PLPPR5: variants seen among roughly 807,000 people sequenced by gnomAD.
PLPPR5 encodes phospholipid phosphatase related 5.
Under a neutral mutation model 33.9 loss-of-function variants are expected in PLPPR5, and 16 were observed. The ratio of observed to expected loss-of-function variants is 0.47; its 90% confidence interval spans 0.32 to 0.72. The LOEUF (loss-of-function observed/expected upper bound fraction) is 0.72, where lower values mean the gene tolerates loss of function less well. PLPPR5 is among the 30% of genes least tolerant of loss of function. The probability of loss-of-function intolerance (pLI) is 0.03; values close to 1 mark genes in which losing one functional copy is unlikely to be tolerated. For synonymous variants in PLPPR5, 163 were observed against 150.3 expected (o/e 1.08, Z -0.62); for missense variants, 301 against 406.7 (o/e 0.74, Z 2.23).
intron 3 of PLPPR5, among the ~76,000 whole-genome samples, chr1:98,930,582 T>A (rs1326294661): frequency 6.6e-6 from 1 of 152,162 alleles, no homozygotes; most frequent in Non-Finnish European, 1.5e-5. Context: ...ACATTATAGG[T>A]TTGTGATCAG....
intron 1 of PLPPR5, among the ~76,000 whole-genome samples, chr1:98,993,501 A>G (rs568754573): frequency 7.5e-4 from 114 of 152,276 alleles, no homozygotes; most frequent in African/African-American, 2.7e-3. Context: ...GTTTTGACTA[A>G]GTCTCTTCAT....
chr1:98,934,270 T>C (rs1650097896), intron 3 of PLPPR5, among the ~76,000 whole-genome samples: 1 of 151,996 alleles, frequency 6.6e-6, no homozygotes, highest in African/African-American at 2.4e-5. Context: ...TGCTGATAGG[T>C]AGGAGCCAAT....
chr1:98,925,822 T>C (rs1318339330), intron 3 of PLPPR5, among the ~76,000 whole-genome samples: 3 of 152,136 alleles, frequency 2.0e-5, no homozygotes, highest in Non-Finnish European at 4.4e-5. Context: ...AAAAGGGAAA[T>C]GGTGGGGGAA....
At chr1:98,994,732 C>T (rs974230747) in intron 1 of PLPPR5, among the ~76,000 whole-genome samples, 3 of 152,058 alleles carry the variant, frequency 2.0e-5, no homozygotes, top group African/African-American at 2.4e-5. Context: ...AGTCTTTTTG[C>T]TATCTGCATG....
chr1:98,945,995 C>T (rs1650534167), intron 3 of PLPPR5, among the ~76,000 whole-genome samples: 1 of 152,158 alleles, frequency 6.6e-6, no homozygotes, highest in Non-Finnish European at 1.5e-5. Flanking sequence ...AGAGTCCCAG[C>T]TTACTCCATT....
intron 1 of PLPPR5, among the ~76,000 whole-genome samples, chr1:98,958,432 GGGTTCAAT>G (rs1278665412): frequency 6.6e-6 from 1 of 151,628 alleles, no homozygotes; most frequent in Non-Finnish European, 1.5e-5. Flanking sequence ...AAGTAAGCCA[GGGTTCAAT>G]GTTAAATCAG....
chr1:98,899,719 T>TGA lies in PLPPR5; in HGVS notation c.934-6617_934-6616dup, dbSNP rs2101134372. Among the ~76,000 whole-genome samples, 3 of 150,036 alleles carry TGA rather than the reference T, an allele frequency of 2.0e-5. No individual in the cohort carries two copies. In the Admixed American group the frequency reaches 2.0e-4, roughly 10 times the overall value. ...TGTCGCCCAGGCTGTAGTGCGGTAG[T>TGA]GAGATTTCAGATCACTGTAACCTCC... On this transcript the variant is annotated intron_variant, in intron 5 of 5. Transcript: ENST00000263177.
intron 1 of PLPPR5, among the ~76,000 whole-genome samples, chr1:98,974,799 A>T (rs1398652296): frequency 6.6e-6 from 1 of 152,018 alleles, no homozygotes. Context: ...TCTACTTTGT[A>T]CCTGAATTCC....
chr1:98,992,517 T>G (rs1238741622), intron 1 of PLPPR5, among the ~76,000 whole-genome samples: 2 of 152,142 alleles, frequency 1.3e-5, no homozygotes, highest in Non-Finnish European at 2.9e-5. Flanking sequence ...CTGTAAGAAT[T>G]CAAAATCTGT....
At chr1:98,967,937 C>T (rs1016529611) in intron 1 of PLPPR5, among the ~76,000 whole-genome samples, 7 of 152,130 alleles carry the variant, frequency 4.6e-5, no homozygotes, top group Admixed American at 2.0e-4. Context: ...AGTAAAAGTC[C>T]TGACACTAAT....
chr1:98,932,174 A>G (rs1650000078), intron 3 of PLPPR5, among the ~76,000 whole-genome samples: 1 of 152,224 alleles, frequency 6.6e-6, no homozygotes, highest in African/African-American at 2.4e-5. Context: ...AAGAATCAAG[A>G]TGTTCCACCT....
chr1:98,894,732 G>A (rs1648405931), intron 5 of PLPPR5, among the ~76,000 whole-genome samples: 1 of 152,018 alleles, frequency 6.6e-6, no homozygotes, highest in African/African-American at 2.4e-5. Flanking sequence ...GATAATGAAG[G>A]GAGGGTTCAC....
At chr1:98,937,563 G>A (rs1326531292) in intron 3 of PLPPR5, among the ~76,000 whole-genome samples, 1 of 152,080 alleles carries the variant, frequency 6.6e-6, no homozygotes, top group Non-Finnish European at 1.5e-5. Flanking sequence ...GCCAAGGCAT[G>A]TGAGAAGATT....
At chr1:98,965,511 G>A (rs1461465242) in intron 1 of PLPPR5, among the ~76,000 whole-genome samples, 1 of 151,996 alleles carries the variant, frequency 6.6e-6, no homozygotes, top group Non-Finnish European at 1.5e-5. Flanking sequence ...TACCGTCTTT[G>A]GTAATGAGTA....
chr1:98,920,393 G>A (rs1649501303), intron 4 of PLPPR5, among the ~76,000 whole-genome samples: 1 of 146,148 alleles, frequency 6.8e-6, no homozygotes, highest in Non-Finnish European at 1.5e-5. Context: ...AAGGATTTAT[G>A]TAAAGTTTGT....
rs1436175006 is a variant in PLPPR5 at position 99,004,614 on chromosome 1, T to G, written c.58A>C (p.Met20Leu). The G allele has an allele frequency of 6.2e-7, 1 of 1,613,066 alleles. No homozygotes were observed. Among genetic ancestry groups the G allele is most frequent in the Non-Finnish European group, 8.5e-7 (1 of 1,179,756 alleles). ...TACGCCAGCATCACCGTCCCTGCCATGATCACCATCTGGAAATAGAGCATG... is the reference window on the plus strand; with the variant it reads ...TACGCCAGCATCACCGTCCCTGCCAGGATCACCATCTGGAAATAGAGCATG... ...SSMLYFQMVIMAGTVMLAYYF... is the reference protein window; with the variant it reads ...SSMLYFQMVILAGTVMLAYYF... Residue 20 changes from methionine to leucine, a missense_variant, in exon 1 of 6, where the codon ATG becomes CTG. Met to Leu is a conservative substitution (Grantham distance 15). Coordinates refer to ENST00000263177, the MANE Select transcript of PLPPR5 (RefSeq NM_001037317.2).
At chr1:98,935,230 C>G (rs570836716) in intron 3 of PLPPR5, among the ~76,000 whole-genome samples, 2 of 152,322 alleles carry the variant, frequency 1.3e-5, no homozygotes, top group African/African-American at 4.8e-5. Context: ...TCAGGTCACA[C>G]ATCCTTGAAG....
intron 1 of PLPPR5, among the ~76,000 whole-genome samples, chr1:98,963,167 T>C (rs988306511): frequency 5.9e-5 from 9 of 152,230 alleles, no homozygotes; most frequent in African/African-American, 2.2e-4. Flanking sequence ...GCTTGGTCCA[T>C]GGCTTAGTAT....
rs150073927 is a variant in PLPPR5 at position 98,941,481 on chromosome 1, T to C, written c.621+11589A>G. Among the ~76,000 whole-genome samples the C allele has an allele frequency of 8.4e-3, 1,272 of 151,602 alleles. 29 individuals carry two copies. Among genetic ancestry groups the C allele is most frequent in the Non-Finnish European group, 0.013 (871 of 67,846 alleles). On this transcript the variant is annotated intron_variant, in intron 3 of 5. Coordinates refer to ENST00000263177, the MANE Select transcript of PLPPR5 (RefSeq NM_001037317.2). ...GTTTATAAGGTGAGAAAGTGTAAAA[T>C]AGTCTTTCTAGAAATTTCTTTCAAA...
Sources: gnomAD v4.1 joint callset for allele counts (sites outside exome capture counted in the v4.1 genomes callset) on GRCh38, gnomAD v4.1.1 for gene constraint, MANE v1.5 for transcripts, NCBI Gene and HGNC (gene_info 2026-07-23, HGNC 2026-07-21) for gene names.